SGCG: variants seen among roughly 807,000 people sequenced by gnomAD.
SGCG encodes sarcoglycan gamma, also known as gamma-sarcoglycan.
In SGCG, 26 loss-of-function variants were observed where a neutral mutation model predicts 29.3. That is an observed-to-expected ratio of 0.89 (90% CI 0.65 to 1.23). SGCG has a LOEUF of 1.23. Ranked by LOEUF, SGCG falls within the 50% of genes most tolerant of loss-of-function variation. The pLI, the probability that SGCG is intolerant of heterozygous loss-of-function variation, is 0.00. For synonymous variants in SGCG, 145 were observed against 129.7 expected (o/e 1.12, Z -0.80); for missense variants, 353 against 356.0 (o/e 0.99, Z 0.07).
At chr13:23,188,696 T>C (rs1366617264) in intron 1 of SGCG, among the ~76,000 whole-genome samples, 1 of 152,102 alleles carries the variant, frequency 6.6e-6, no homozygotes, top group African/African-American at 2.4e-5. Flanking sequence ...AGTGGACAAA[T>C]GCTGTTCTGA....
chr13:23,182,728 C>G (rs1876791366), intron 1 of SGCG, among the ~76,000 whole-genome samples: 1 of 152,104 alleles, frequency 6.6e-6, no homozygotes, highest in African/African-American at 2.4e-5. Context: ...CTGTGAAAAT[C>G]TCACTGCCTG....
chr13:23,250,507 G>A (rs1879919519), intron 3 of SGCG, 123 bp from the exon 4 acceptor site: 2 of 657,910 alleles, frequency 3.0e-6, no homozygotes, highest in Non-Finnish European at 2.7e-6. Flanking sequence ...AAATTTATAG[G>A]ATTTCCAGGA....
Position 23,324,466 on chromosome 13 carries a change from T to C in SGCG, c.801T>C (p.Cys267=), listed in dbSNP as rs763531562. ...AGAGCCTCTACGAAATCTGTGTGTG[T>C]CCAGATGGGAAGCTGTACCTGTCTG... ...SSQSLYEICV[C]PDGKLYLSVA... The change falls in exon 8 of 8, where the codon TGT becomes TGC. Residue 267 remains cysteine, a synonymous_variant. Transcript: ENST00000218867. 4 of 1,613,976 alleles carry C rather than the reference T, an allele frequency of 2.5e-6. No homozygotes were observed. The highest frequency in any genetic ancestry group is 3.3e-5 in the Admixed American group (2 of 60,016).
At chr13:23,203,650 T>C in intron 1 of SGCG, 45 bp from the exon 2 acceptor site, 3 of 1,478,396 alleles carry the variant, frequency 2.0e-6, no homozygotes, top group Non-Finnish European at 2.8e-6. Flanking sequence ...CCTCATTCCC[T>C]CTCTGTCTCT....
chr13:23,176,745 G>A (rs957416332), upstream of SGCG, among the ~76,000 whole-genome samples: 2 of 152,056 alleles, frequency 1.3e-5, no homozygotes, highest in African/African-American at 4.8e-5. Context: ...ATTGTCGATA[G>A]GTAAGGACTT....
At chr13:23,286,021 G>A (rs549521747) in intron 5 of SGCG, among the ~76,000 whole-genome samples, 2 of 152,136 alleles carry the variant, frequency 1.3e-5, no homozygotes, top group African/African-American at 2.4e-5. Context: ...CATTAATCTC[G>A]CTGGGAGCTG....
At position 23,234,612 on chromosome 13, in the gene SGCG, C is replaced by A. The variant is rs752603127; in HGVS notation, c.197C>A (p.Ala66Glu). The change falls in exon 3 of 8, where the codon GCA (alanine) becomes GAA (glutamate). Residue 66 changes from alanine to glutamate, a missense_variant and splice_region_variant. Ala to Glu is a moderately radical substitution (Grantham distance 107, BLOSUM62 -1). Transcript: ENST00000218867. ...TTGTCTCTTTTTTTTTTTTAACAGG[C>A]AGGAATGGGCCACTTGTGTGTAACA... ...WILKVMWFSPAGMGHLCVTKD... is the reference protein window; with the variant it reads ...WILKVMWFSPEGMGHLCVTKD... The A allele has an allele frequency of 1.2e-5, 19 of 1,597,028 alleles. No homozygotes were observed. In the East Asian group the frequency reaches 4.0e-4, roughly 34 times the overall value.
At chr13:23,192,219 G>A (rs1476094033) in intron 1 of SGCG, among the ~76,000 whole-genome samples, 2 of 151,576 alleles carry the variant, frequency 1.3e-5, no homozygotes, top group Non-Finnish European at 2.9e-5. Context: ...TATGAATCAT[G>A]GCATATGCAT....
chr13:23,191,796 G>A (rs964527160), intron 1 of SGCG, among the ~76,000 whole-genome samples: 2 of 152,122 alleles, frequency 1.3e-5, no homozygotes, highest in Non-Finnish European at 2.9e-5. Context: ...TTTATATGAC[G>A]TCAAGCCCTA....
intron 2 of SGCG, among the ~76,000 whole-genome samples, chr13:23,217,156 T>C (rs1018395251): frequency 1.5e-4 from 23 of 152,252 alleles, no homozygotes; most frequent in African/African-American, 5.5e-4. Flanking sequence ...TCTAATTTGA[T>C]TTTTATCCTC....
At chr13:23,213,801 G>A (rs1878322734) in intron 2 of SGCG, among the ~76,000 whole-genome samples, 1 of 152,014 alleles carries the variant, frequency 6.6e-6, no homozygotes, top group Non-Finnish European at 1.5e-5. Flanking sequence ...TGCCTTCATC[G>A]AGAGGCTGGC....
chr13:23,252,303 G>A (rs1025606357), intron 4 of SGCG, among the ~76,000 whole-genome samples: 2 of 151,900 alleles, frequency 1.3e-5, no homozygotes, highest in Non-Finnish European at 2.9e-5. Context: ...AATGACTATG[G>A]GCTACCTTAT....
intron 2 of SGCG, among the ~76,000 whole-genome samples, chr13:23,228,083 A>G (rs1390083774): frequency 6.6e-6 from 1 of 152,110 alleles, no homozygotes. Flanking sequence ...AATGAGCCAC[A>G]GCACCCGGCC....
At chr13:23,261,109 T>C (rs766954094) in intron 4 of SGCG, among the ~76,000 whole-genome samples, 1 of 152,160 alleles carries the variant, frequency 6.6e-6, no homozygotes, top group Non-Finnish European at 1.5e-5. Context: ...GAAGTTCTGC[T>C]GGATAATATC....
At chr13:23,244,547 G>A (rs747383725) in intron 3 of SGCG, 4 of 152,150 alleles carry the variant, frequency 2.6e-5, no homozygotes, top group Non-Finnish European at 4.4e-5. Context: ...TGGTTAAAAC[G>A]TGGTTGTTTT....
upstream of SGCG, among the ~76,000 whole-genome samples, chr13:23,176,349 A>T (rs576931004): frequency 2.0e-5 from 3 of 152,296 alleles, no homozygotes; most frequent in African/African-American, 7.2e-5. Flanking sequence ...GACAACAAAA[A>T]TACAAGTAAC....
At chr13:23,260,090 G>C (rs990212118) in intron 4 of SGCG, among the ~76,000 whole-genome samples, 1 of 152,096 alleles carries the variant, frequency 6.6e-6, no homozygotes, top group African/African-American at 2.4e-5. Flanking sequence ...TTCAAGTCCT[G>C]GATATCCTTG....
upstream of SGCG, among the ~76,000 whole-genome samples, chr13:23,178,382 G>A (rs1876625902): frequency 6.6e-6 from 1 of 152,174 alleles, no homozygotes. Context: ...TCTGGGGGAT[G>A]GCATCGTCAA....
At chr13:23,305,197 G>T (rs1016108219) in intron 6 of SGCG, among the ~76,000 whole-genome samples, 1 of 152,214 alleles carries the variant, frequency 6.6e-6, no homozygotes, top group Non-Finnish European at 1.5e-5. Context: ...CCCAAGAACA[G>T]GGGGTGTCTT....
Sources: allele counts gnomAD v4.1 joint callset (sites outside exome capture counted in the v4.1 genomes callset), GRCh38; gene constraint gnomAD v4.1.1; transcripts MANE v1.5; gene names NCBI Gene and HGNC (gene_info 2026-07-23, HGNC 2026-07-21).